TELO2: variants seen among roughly 807,000 people sequenced by gnomAD.
The protein encoded by TELO2 is telomere maintenance 2.
Under a neutral mutation model 91.0 loss-of-function variants are expected in TELO2, and 71 were observed. That is an observed-to-expected ratio of 0.78 (90% CI 0.64 to 0.95). The LOEUF is 0.95. Among genes scored for constraint, TELO2 ranks in the 40% least tolerant of loss-of-function variants. The pLI is 0.00. For synonymous variants in TELO2, 584 were observed against 518.9 expected (o/e 1.13, Z -1.71); for missense variants, 1,183 against 1,141.3 (o/e 1.04, Z -0.53).
At chr16:1,499,129 G>A in intron 5 of TELO2, 102 bp from the exon 6 acceptor site, 1 of 1,198,120 alleles carries the variant, frequency 8.3e-7, no homozygotes, top group Non-Finnish European at 1.2e-6. Flanking sequence ...GAATTGGCAG[G>A]CCGGGAGTCA....
rs970564817 is a variant in TELO2 at position 1,505,803 on chromosome 16, T to C, written c.2034+202T>C. 5.3e-5 allele frequency among the ~76,000 whole-genome samples: 8 copies of C among 152,310 alleles called. No homozygotes were observed. Among genetic ancestry groups the C allele is most frequent in the Non-Finnish European group, 5.9e-5 (4 of 68,016 alleles). ...TGGCTGTAGGAGACCCAGACTGGGC[T>C]TGGGGACATGATAAGTGACAGGTGT... is the stretch of plus-strand genomic sequence containing the variant. On this transcript the variant is annotated intron_variant, in intron 16 of 20. Transcript: ENST00000262319. The surrounding 1 kb of genome is among the most constrained non-coding windows in gnomAD (Gnocchi z 4.3).
chr16:1,493,395 T>G lies in TELO2; in HGVS notation c.-247T>G, dbSNP rs965120269. 2.9e-4 allele frequency: 44 copies of G among 152,252 alleles called. No individual in the cohort carries two copies. Among genetic ancestry groups the G allele is most frequent in the African/African-American group, 1.0e-3 (42 of 41,564 alleles). 9.4% of individuals were successfully genotyped at this position (152,252 alleles called of 1,614,324 possible). A position where few individuals can be genotyped will look rare whatever the true frequency, so the allele number is the denominator to read the frequency against. ...CCTCCCGCCTGGCGTCCTCCGCAGATTCGCGCTGAGAGGCCCGCGGAGACC... is the reference window on the plus strand; with the variant it reads ...CCTCCCGCCTGGCGTCCTCCGCAGAGTCGCGCTGAGAGGCCCGCGGAGACC... On this transcript the variant is annotated 5_prime_UTR_variant, in exon 1 of 21. Coordinates refer to ENST00000262319, the MANE Select transcript of TELO2 (RefSeq NM_016111.4). The surrounding 1 kb of genome is among the most constrained non-coding windows in gnomAD (Gnocchi z 4.3).
chr16:1,508,319 G>C (rs2039983133), intron 20 of TELO2, among the ~76,000 whole-genome samples: 1 of 152,136 alleles, frequency 6.6e-6, no homozygotes, highest in South Asian at 2.1e-4. Flanking sequence ...TTTTAGTAGA[G>C]ATGGGATTTC....
At position 1,501,719 on chromosome 16, in the gene TELO2, T is replaced by C; in HGVS notation, c.1418T>C (p.Val473Ala). The C allele has an allele frequency of 6.2e-7, 1 of 1,612,448 alleles. No homozygotes were observed. Among genetic ancestry groups the C allele is most frequent in the South Asian group, 1.1e-5 (1 of 91,052 alleles). The change falls in exon 11 of 21, where the codon GTG (valine) becomes GCG (alanine). Residue 473 changes from valine (V) to alanine (A), a missense_variant. Val to Ala is a moderately conservative substitution (Grantham distance 64). Transcript: ENST00000262319. The stretch of plus-strand genomic sequence containing the variant: ...CCTGCAGAGACCCCCGCAGAGATCG[T>C]GGATGGCGGCGTCCCCCAAGCACAG... ...EPPAETPAEI[V>A]DGGVPQAQLA...
chr16:1,500,826 T>C, intron 9 of TELO2, 127 bp downstream of exon 9: 2 of 1,420,264 alleles, frequency 1.4e-6, no homozygotes, highest in Admixed American at 4.5e-5. Context: ...TGTGGACTTC[T>C]CGCAGGGCTG....
At chr16:1,506,651 C>A in intron 17 of TELO2, 1 of 1,375,030 alleles carries the variant, frequency 7.3e-7, no homozygotes. Context: ...GCTGCACTGG[C>A]CCCACGTTCA....
intron 3 of TELO2, among the ~76,000 whole-genome samples, chr16:1,496,602 G>C (rs1038343333): frequency 6.6e-6 from 1 of 152,154 alleles, no homozygotes; most frequent in Admixed American, 6.5e-5. Context: ...GGTACAGCCC[G>C]GCCCCTCCCG....
At chr16:1,498,237 A>G (rs1173172120) in intron 5 of TELO2, among the ~76,000 whole-genome samples, 1 of 151,568 alleles carries the variant, frequency 6.6e-6, no homozygotes, top group Non-Finnish European at 1.5e-5. Flanking sequence ...CTGGTGTTGA[A>G]CTCCTGGCCT....
At position 1,507,033 on chromosome 16, in the gene TELO2, CCTGG is replaced by C; in HGVS notation, c.2212_2215del (p.Ala738LeufsTer52). 6.2e-7 allele frequency: 1 copy of C among 1,610,272 alleles called. No individual in the cohort carries two copies. Among genetic ancestry groups the C allele is most frequent in the Non-Finnish European group, 8.5e-7 (1 of 1,178,448 alleles). ...CGCACACCTTAGGGGCCCTGATGTG[CCTGG>C]CTGTTAACACCACGGTGAGCCGGGA... On this transcript the variant is annotated frameshift_variant, in exon 18 of 21. Transcript: ENST00000262319. LOFTEE classifies it high-confidence loss of function.
intron 18 of TELO2, 39 bp downstream of exon 18, chr16:1,507,090 A>C (rs945400359): frequency 1.9e-6 from 3 of 1,561,740 alleles, no homozygotes; most frequent in Admixed American, 3.7e-5. Context: ...GCCTGTGCTA[A>C]CCATGGATCA....
chr16:1,494,355 G>A lies in TELO2; in HGVS notation c.74G>A (p.Gly25Asp), dbSNP rs139642236. ...AIHALSSSED[G>D]GHIFCTLESL... ...CATGCCCTCTCGTCTTCGGAGGATG[G>A]CGGCCACATCTTCTGCACCCTGGAG... Residue 25 changes from glycine (G) to aspartate (D), a missense_variant, in exon 2 of 21, where the codon GGC becomes GAC. Coordinates refer to ENST00000262319, the MANE Select transcript of TELO2 (RefSeq NM_016111.4). This position sits in a 1 kb window ranked among gnomAD's most constrained non-coding sequence, Gnocchi z 5.6. The A allele has an allele frequency of 1.9e-4, 305 of 1,613,630 alleles. 2 individuals are homozygous for A. In the African/African-American group the frequency reaches 3.1e-3, roughly 16 times the overall value.
At chr16:1,504,174 C>T (rs983283632) in intron 15 of TELO2, among the ~76,000 whole-genome samples, 7 of 150,598 alleles carry the variant, frequency 4.6e-5, no homozygotes, top group African/African-American at 1.5e-4. Context: ...GCGGCTCACA[C>T]CTGTAATCCC....
chr16:1,496,386 C>T (rs2039493673), intron 3 of TELO2, among the ~76,000 whole-genome samples: 1 of 152,226 alleles, frequency 6.6e-6, no homozygotes, highest in South Asian at 2.1e-4. Context: ...CAGCAACCTC[C>T]TGAGCCCCTC....
rs1309543891 is a variant in TELO2, at chr16:1,494,828, C to T, written c.335+212C>T. On this transcript the variant is annotated intron_variant, in intron 2 of 20. Coordinates refer to ENST00000262319, the MANE Select transcript of TELO2 (RefSeq NM_016111.4). The surrounding 1 kb of genome is among the most constrained non-coding windows in gnomAD (Gnocchi z 5.6). ...TGTCTCACAAAGTCCCCCACTTGCT[C>T]CCCGTCCGGCTGTGTCAGAGAGGGA... Among the ~76,000 whole-genome samples the T allele has an allele frequency of 1.3e-5, 2 of 152,204 alleles. No homozygotes were observed. The highest frequency in any genetic ancestry group is 4.8e-5 in the African/African-American group (2 of 41,444).
Position 1,505,325 on chromosome 16 carries a change from G to A in TELO2, c.1843-85G>A, listed in dbSNP as rs867073664. On this transcript the variant is annotated intron_variant, in intron 15 of 20. Coordinates refer to ENST00000262319, the MANE Select transcript of TELO2 (RefSeq NM_016111.4). This position sits in a 1 kb window ranked among gnomAD's most constrained non-coding sequence, Gnocchi z 4.3. ...CCAGGCTGGGCGGGCCCCCGGGCCCGTTTCTGGGGCTTTGGCTGACTTGAC... is the reference window on the plus strand; with the variant it reads ...CCAGGCTGGGCGGGCCCCCGGGCCCATTTCTGGGGCTTTGGCTGACTTGAC... 52 of 1,502,576 alleles carry A rather than the reference G, an allele frequency of 3.5e-5. No homozygotes were observed. The highest frequency in any genetic ancestry group is 9.2e-5 in the East Asian group (4 of 43,698). The allele number at this position is 1,502,576 out of a possible 1,614,324, so 93.1% of individuals were successfully genotyped here. A position where few individuals can be genotyped will look rare whatever the true frequency, so the allele number is the denominator to read the frequency against.
chr16:1,496,322 C>A (rs2039491334), intron 3 of TELO2, among the ~76,000 whole-genome samples: 1 of 152,114 alleles, frequency 6.6e-6, no homozygotes, highest in Non-Finnish European at 1.5e-5. Context: ...CCCCTCGAGT[C>A]CCTGCGTGGG....
At chr16:1,495,241 G>C (rs1055971616) in intron 2 of TELO2, 105 bp from the exon 3 acceptor site, 3 of 1,427,714 alleles carry the variant, frequency 2.1e-6, no homozygotes, top group Non-Finnish European at 2.8e-6. Flanking sequence ...CGCTGGTTAT[G>C]TTGTTGGGGC....
chr16:1,501,345 T>A, intron 9 of TELO2, 75 bp from the exon 10 acceptor site: 2 of 1,501,198 alleles, frequency 1.3e-6, no homozygotes, highest in Non-Finnish European at 1.8e-6. Context: ...CAGTGGGGAG[T>A]GGCTCCCGTG....
chr16:1,502,123 G>A lies in TELO2; in HGVS notation c.1549G>A (p.Asp517Asn), dbSNP rs1567300801. 1 of 1,612,960 alleles carries A rather than the reference G, an allele frequency of 6.2e-7. No individual in the cohort carries two copies. The highest frequency in any genetic ancestry group is 8.5e-7 in the Non-Finnish European group (1 of 1,179,962). The part of the protein sequence containing the change: ...KSSKAPAYVR[D>N]CVEALTTSED... ...CAGCAAGGCTCCTGCCTACGTCCGGGACTGCGTGGAAGGTGGGCACGGGCC... is the reference window on the plus strand; with the variant it reads ...CAGCAAGGCTCCTGCCTACGTCCGGAACTGCGTGGAAGGTGGGCACGGGCC... The change falls in exon 12 of 21, where the codon GAC (aspartate) becomes AAC (asparagine). Residue 517 changes from aspartate (D) to asparagine (N), a missense_variant. Physicochemically the swap from Asp to Asn is conservative, Grantham distance 23. Transcript: ENST00000262319.
Sources: allele counts gnomAD v4.1 joint callset (sites outside exome capture counted in the v4.1 genomes callset), GRCh38; gene constraint gnomAD v4.1.1; non-coding constraint Gnocchi (gnomAD v3.1); transcripts MANE v1.5; gene names NCBI Gene and HGNC (gene_info 2026-07-23, HGNC 2026-07-21).